GSTM5: variants seen among roughly 807,000 people sequenced by gnomAD.
GSTM5 encodes the protein GST class-mu 5.
A neutral mutation model predicts 29.0 loss-of-function variants in GSTM5; 24 were observed. The ratio of observed to expected loss-of-function variants is 0.83; its 90% CI spans 0.60 to 1.16. GSTM5 has a LOEUF of 1.16. Among genes scored for constraint, GSTM5 ranks in the 50% most tolerant of loss-of-function variants. The probability of loss-of-function intolerance (pLI) is 0.00; values close to 1 mark genes in which losing one functional copy is unlikely to be tolerated. For missense variants in GSTM5, 290 were observed against 263.0 expected, an observed-to-expected ratio of 1.10 and a Z score of -0.71; for synonymous variants, 91 against 93.6, an observed-to-expected ratio of 0.97 and a Z score of 0.16.
rs754410625 is a variant in GSTM5 at position 109,713,713 on chromosome 1, T to C, written c.312T>C (p.Val104=). The change falls in exon 5 of 8, where the codon GTT becomes GTC. Residue 104 remains valine, a synonymous_variant. Coordinates refer to ENST00000256593, the MANE Select transcript of GSTM5 (RefSeq NM_000851.4). ...GTGTGGACATTTTGGAGAACCAGGT[T>C]ATGGATAACCACATGGAGCTGGTCA... ...KIRVDILENQ[V]MDNHMELVRL... 3.1e-6 allele frequency: 5 copies of C among 1,611,566 alleles called. No homozygotes were observed. In the South Asian group the frequency reaches 5.5e-5, roughly 18 times the overall value.
rs373067309 is a variant in GSTM5 at position 109,717,328 on chromosome 1, C to T, written c.568-9C>T. ...AGACCTGGCTCTGGCCCCTTCTTCC[C>T]GCCCTCAGGGTTTGAAGAAGATCTC... On this transcript the variant is annotated splice_polypyrimidine_tract_variant and intron_variant, in intron 7 of 7. Coordinates refer to ENST00000256593, the MANE Select transcript of GSTM5 (RefSeq NM_000851.4). 2.2e-5 allele frequency: 35 copies of T among 1,609,606 alleles called. No individual in the cohort carries two copies. The highest frequency in any genetic ancestry group is 5.3e-5 in the African/African-American group (4 of 74,822).
chr1:109,714,309 G>C (rs12743015), intron 5 of GSTM5: 6,569 of 159,312 alleles, frequency 0.041, 176 homozygotes, highest in South Asian at 0.096. Context: ...GGTCATTTCT[G>C]TCAGTTGATT....
rs1648812072 is a variant in GSTM5, at chr1:109,718,014, C to G, written c.*588C>G. 6.5e-6 allele frequency: 1 copy of G among 153,056 alleles called. No individual in the cohort carries two copies. Among genetic ancestry groups the G allele is most frequent in the African/African-American group, 2.4e-5 (1 of 41,400 alleles). The allele number at this position is 153,056 out of a possible 1,614,324, so 9.5% of individuals were successfully genotyped here. Reference sequence around the variant, plus strand: ...ATAAATTTCCTTGGTCATTTCTGCCCTCTAGCCACATCCCTCTGTTCCTCA... The same window carrying G: ...ATAAATTTCCTTGGTCATTTCTGCCGTCTAGCCACATCCCTCTGTTCCTCA... On this transcript the variant is annotated 3_prime_UTR_variant, in exon 8 of 8. Coordinates refer to ENST00000256593, the MANE Select transcript of GSTM5 (RefSeq NM_000851.4).
At chr1:109,716,114 C>G (rs1234570865) in intron 7 of GSTM5, 1 of 338,910 alleles carries the variant, frequency 3.0e-6, no homozygotes, top group East Asian at 9.1e-5. Flanking sequence ...CACCTGGGTA[C>G]CGGGCCTGGG....
chr1:109,713,010 A>C, intron 2 of GSTM5, 109 bp from the exon 3 acceptor site: 2 of 1,286,806 alleles, frequency 1.6e-6, no homozygotes, highest in African/African-American at 2.9e-5. Flanking sequence ...GAGTGGTCAG[A>C]TTCTAGATCC....
intron 7 of GSTM5, chr1:109,715,531 T>C (rs1648715962): frequency 7.0e-7 from 1 of 1,434,358 alleles, no homozygotes; most frequent in Admixed American, 2.8e-5. Flanking sequence ...CTGGGCTCCC[T>C]GTGAGCCTCT....
chr1:109,715,232 C>T lies in GSTM5; in HGVS notation c.559C>T (p.Arg187Cys), dbSNP rs150417585. 6.9e-3 allele frequency: 11,135 copies of T among 1,614,192 alleles called. 63 individuals are homozygous for T. The highest frequency in any genetic ancestry group is 0.015 in the Middle Eastern group (92 of 6,062). Residue 187 changes from arginine (R) to cysteine (C), a missense_variant, in exon 7 of 8, where the codon CGC becomes TGC. By Grantham distance (180) the Arg-to-Cys change is radical. Coordinates refer to ENST00000256593, the MANE Select transcript of GSTM5 (RefSeq NM_000851.4). The part of the protein sequence containing the change: ...AFLNLKDFIS[R>C]FEGLKKISAY... ...CCTAAACTTGAAGGACTTCATCTCC[C>T]GCTTTGAGGTGATGCCCCCATCCTC...
rs371246652 is a variant in GSTM5 at position 109,715,043 on chromosome 1, G to A, written c.456+1G>A. 4.4e-5 allele frequency: 71 copies of A among 1,614,246 alleles called. No homozygotes were observed. The highest frequency in any genetic ancestry group is 3.5e-4 in the African/African-American group (26 of 75,064). On this transcript the variant is annotated splice_donor_variant, in intron 6 of 7. Coordinates refer to ENST00000256593, the MANE Select transcript of GSTM5 (RefSeq NM_000851.4). LOFTEE classifies it high-confidence loss of function. The stretch of plus-strand genomic sequence containing the variant: ...GCGGCCATGGTTTGCAGGAGACAAG[G>A]TAAAGGAGGAGTGATATGGGGAATG...
At position 109,713,521 on chromosome 1, in the gene GSTM5, A is replaced by G; in HGVS notation, c.215A>G (p.Gln72Arg). 1 of 1,614,244 alleles carries G rather than the reference A, an allele frequency of 6.2e-7. No homozygotes were observed. Among genetic ancestry groups the G allele is most frequent in the Non-Finnish European group, 8.5e-7 (1 of 1,180,052 alleles). The change falls in exon 4 of 8, where the codon CAG becomes CGG. Residue 72 changes from glutamine to arginine, a missense_variant. Coordinates refer to ENST00000256593, the MANE Select transcript of GSTM5 (RefSeq NM_000851.4). ...ATTGATGGGGCTCACAAGATCACCC[A>G]GAGCAATGCCATCCTGCGCTACATT... ...YLIDGAHKIT[Q>R]SNAILRYIAR...
In GSTM5 at chr1:109,713,146, T is replaced by C. The variant is rs754131086; in HGVS notation, c.140T>C (p.Leu47Pro). Reference protein sequence around the residue: ...DAPDYDRSQWLNEKFKLGLDF... With the variant: ...DAPDYDRSQWPNEKFKLGLDF... ...CCTGACTATGACAGAAGCCAGTGGC[T>C]GAATGAAAAATTCAAGCTGGGCCTG... Residue 47 changes from leucine to proline, a missense_variant, in exon 3 of 8, where the codon CTG becomes CCG. Leu to Pro is a moderately conservative substitution (Grantham distance 98). Transcript: ENST00000256593. 3 of 1,612,574 alleles carry C rather than the reference T, an allele frequency of 1.9e-6. No individual in the cohort carries two copies. The East Asian group carries it at 6.7e-5, about 36-fold the overall frequency.
rs1648699602 is a variant in GSTM5, at chr1:109,715,159, T to C, written c.486T>C (p.Asp162=). The C allele has an allele frequency of 1.9e-6, 3 of 1,614,136 alleles. No individual in the cohort carries two copies. The highest frequency in any genetic ancestry group is 1.1e-5 in the South Asian group (1 of 91,090). The change falls in exon 7 of 8, where the codon GAT becomes GAC. Residue 162 remains aspartate (D), a synonymous_variant. Coordinates refer to ENST00000256593, the MANE Select transcript of GSTM5 (RefSeq NM_000851.4). ...KITFVDFLAY[D]VLDMKRIFEP... ...CCTTTGTGGATTTCCTTGCCTATGA[T>C]GTCCTTGACATGAAGCGTATATTTG...
intron 2 of GSTM5, 47 bp from the exon 3 acceptor site, chr1:109,713,072 A>T: frequency 6.2e-7 from 1 of 1,610,352 alleles, no homozygotes; most frequent in Non-Finnish European, 8.5e-7. Flanking sequence ...CCCGGGAAGG[A>T]GGGCTGGGCT....
chr1:109,712,165 C>CG (rs1648538659), upstream of GSTM5: 1 of 868,916 alleles, frequency 1.2e-6, no homozygotes, highest in Non-Finnish European at 1.9e-6. Context: ...GGCGCTCGCT[C>CG]GGGGGCCTAC....
chr1:109,713,189 T>C lies in GSTM5; in HGVS notation c.177+6T>C. 6.2e-7 allele frequency: 1 copy of C among 1,612,318 alleles called. No homozygotes were observed. Among genetic ancestry groups the C allele is most frequent in the Non-Finnish European group, 8.5e-7 (1 of 1,179,838 alleles). ...TGGGCCTGGACTTTCCCAATGTAGG[T>C]GCAGGGGAAGGGGCGGTTTTGGGGG... On this transcript the variant is annotated splice_donor_region_variant and intron_variant, in intron 3 of 7. Transcript: ENST00000256593.
Position 109,712,599 on chromosome 1 carries a change from C to A in GSTM5, c.37-19C>A. 1 of 1,613,634 alleles carries A rather than the reference C, an allele frequency of 6.2e-7. No homozygotes were observed. Among genetic ancestry groups the A allele is most frequent in the Admixed American group, 1.7e-5 (1 of 60,036 alleles). ...GGGACCCTCCATCTCTGACCCGAGC[C>A]GCGGGCCATCTCTCCCAGCTGGCCC... On this transcript the variant is annotated intron_variant, in intron 1 of 7. Coordinates refer to ENST00000256593, the MANE Select transcript of GSTM5 (RefSeq NM_000851.4).
At chr1:109,715,905 CT>C (rs1211019024) in intron 7 of GSTM5, 75 of 726,106 alleles carry the variant, frequency 1.0e-4, no homozygotes, top group South Asian at 5.4e-4. Context: ...TTCTTCCTCT[CT>C]TTTTTTCCCT....
intron 7 of GSTM5, chr1:109,716,550 A>C (rs1468125686): frequency 1.3e-5 from 2 of 152,860 alleles, no homozygotes; most frequent in African/African-American, 4.8e-5. Flanking sequence ...GTAGGGCTGG[A>C]GATGTGATGG....
At chr1:109,712,054 T>C (rs1357331449), upstream of GSTM5, among the ~76,000 whole-genome samples, 6 of 151,908 alleles carry the variant, frequency 3.9e-5, no homozygotes, top group Non-Finnish European at 8.8e-5. Flanking sequence ...TTGGGGAAGC[T>C]GGCGAGGCCG....
intron 7 of GSTM5, 174 bp downstream of exon 7, chr1:109,715,414 A>G (rs1228599352): frequency 6.4e-7 from 1 of 1,552,660 alleles, no homozygotes; most frequent in African/African-American, 1.4e-5. Context: ...GAAATTTCCA[A>G]CATTCCTACA....
Sources: gnomAD v4.1 joint callset for allele counts (sites outside exome capture counted in the v4.1 genomes callset) on GRCh38, gnomAD v4.1.1 for gene constraint, MANE v1.5 for transcripts, NCBI Gene and HGNC (gene_info 2026-07-23, HGNC 2026-07-21) for gene names.